Variants in SH3TC2 observed in about 807,000 individuals in gnomAD.
SH3TC2 encodes the protein SH3 domain and tetratricopeptide repeat-containing protein 2.
SH3TC2 carries 87 observed loss-of-function variants against 124.5 expected under a neutral mutation model. The observed-to-expected ratio is 0.70, with a 90% confidence interval of 0.59 to 0.84. The LOEUF is 0.84. Among genes scored for constraint, SH3TC2 ranks in the 40% least tolerant of loss-of-function variants. SH3TC2 has a pLI of 0.00. For missense variants in SH3TC2, 1,536 were observed against 1,566.4 expected, an observed-to-expected ratio of 0.98 and a Z score of 0.33; for synonymous variants, 634 against 628.5, an observed-to-expected ratio of 1.01 and a Z score of -0.13.
Position 148,995,921 on chromosome 5 carries a change from A to T in SH3TC2, c.*8790T>A, listed in dbSNP as rs1393322981. On this transcript the variant is annotated 3_prime_UTR_variant, in exon 17 of 17. Transcript: ENST00000515425. The stretch of plus-strand genomic sequence containing the variant: ...ACAAATGAGCACAAGCAAAAGGGAG[A>T]TGCTAAGGACATGAGGAAAAAGAAA... Among the ~76,000 whole-genome samples, 2 of 152,092 alleles carry T rather than the reference A, an allele frequency of 1.3e-5. No homozygotes were observed. Among genetic ancestry groups the T allele is most frequent in the African/African-American group, 4.8e-5 (2 of 41,388 alleles).
chr5:148,982,911 C>T lies in SH3TC2; in HGVS notation c.*21800G>A, dbSNP rs930554735. ...CACCAGTGGACCTTGTGAAAGATAA[C>T]TTTAGGAGACTGACGCAGCAGAGGC... On this transcript the variant is annotated 3_prime_UTR_variant, in exon 17 of 17. Transcript: ENST00000515425. Among the ~76,000 whole-genome samples, 6 of 152,154 alleles carry T rather than the reference C, an allele frequency of 3.9e-5. No individual in the cohort carries two copies. Among genetic ancestry groups the T allele is most frequent in the Non-Finnish European group, 8.8e-5 (6 of 68,026 alleles).
chr5:148,984,419 A>G lies in SH3TC2; in HGVS notation c.*20292T>C, dbSNP rs557300348. ...TTTAAAAGGAACAAATGCCATATAA[A>G]TACCAACTCCACTTGACTTATAGTG... is the stretch of plus-strand genomic sequence containing the variant. On this transcript the variant is annotated 3_prime_UTR_variant, in exon 17 of 17. Transcript: ENST00000515425. Among the ~76,000 whole-genome samples the G allele has an allele frequency of 2.0e-5, 3 of 152,200 alleles. No homozygotes were observed. The highest frequency in any genetic ancestry group is 4.4e-5 in the Non-Finnish European group (3 of 68,038).
At chr5:149,040,277 A>G (rs1460472301) in intron 7 of SH3TC2, among the ~76,000 whole-genome samples, 1 of 152,182 alleles carries the variant, frequency 6.6e-6, no homozygotes, top group African/African-American at 2.4e-5. Context: ...GGCTCACGAA[A>G]CATTTAATTT....
At position 149,005,171 on chromosome 5, in the gene SH3TC2, C is replaced by G. The variant is rs1124473; in HGVS notation, c.3676-269G>C. The stretch of plus-strand genomic sequence containing the variant: ...TCAGCCAATCATGAAACATCATTGC[C>G]CTGGGCACAGTGCTTCAGGGATGTG... On this transcript the variant is annotated intron_variant, in intron 16 of 16. Transcript: ENST00000515425. Among the ~76,000 whole-genome samples the G allele has an allele frequency of 0.077, 11,715 of 152,172 alleles. 892 individuals carry two copies. The highest frequency in any genetic ancestry group is 0.18 in the Admixed American group (2,785 of 15,272).
rs1048545299 is a variant in SH3TC2 at position 149,055,736 on chromosome 5, A to G, written c.53-3496T>C. Among the ~76,000 whole-genome samples, 3 of 152,180 alleles carry G rather than the reference A, an allele frequency of 2.0e-5. No homozygotes were observed. In the South Asian group the frequency reaches 6.2e-4, roughly 32 times the overall value. On this transcript the variant is annotated intron_variant, in intron 1 of 16. Transcript: ENST00000515425. ...AAACTTGGCTACAATTCAAATGTCA[A>G]TTTACACTAGAATGGACAAGTAAAT...
Position 149,001,983 on chromosome 5 carries a change from T to C in SH3TC2, c.*2728A>G, listed in dbSNP as rs1753605401. On this transcript the variant is annotated 3_prime_UTR_variant, in exon 17 of 17. Transcript: ENST00000515425. ...AGTTTCAACTGATTATAAAGCTCAATGGAAGCCAAGGACAGATGTGGCTGC... is the reference window on the plus strand; with the variant it reads ...AGTTTCAACTGATTATAAAGCTCAACGGAAGCCAAGGACAGATGTGGCTGC... 2 of 152,306 alleles carry C rather than the reference T, an allele frequency of 1.3e-5. No individual in the cohort carries two copies. Among genetic ancestry groups the C allele is most frequent in the Non-Finnish European group, 2.9e-5 (2 of 68,058 alleles). 9.4% of individuals were successfully genotyped at this position (152,306 alleles called of 1,614,324 possible). A position where few individuals can be genotyped will look rare whatever the true frequency, so the allele number is the denominator to read the frequency against.
At chr5:149,037,906 C>T (rs1754308698) in intron 8 of SH3TC2, among the ~76,000 whole-genome samples, 2 of 152,120 alleles carry the variant, frequency 1.3e-5, no homozygotes, top group Non-Finnish European at 2.9e-5. Flanking sequence ...GACCCACCTC[C>T]CAGCCCTATG....
chr5:149,010,228 G>T lies in SH3TC2; in HGVS notation c.3327+42C>A, dbSNP rs1335484026. 6 of 1,613,824 alleles carry T rather than the reference G, an allele frequency of 3.7e-6. No homozygotes were observed. In the South Asian group the frequency reaches 6.6e-5, roughly 18 times the overall value. On this transcript the variant is annotated intron_variant, in intron 14 of 16. Coordinates refer to ENST00000515425, the MANE Select transcript of SH3TC2 (RefSeq NM_024577.4). ...GTCCAGCCTGACCCTTCCCATGCCC[G>T]TGCCAGGACCTGTCTCAGCAAACTG... is the stretch of plus-strand genomic sequence containing the variant.
At chr5:149,015,696 G>A (rs1196769609) in intron 12 of SH3TC2, among the ~76,000 whole-genome samples, 1 of 152,114 alleles carries the variant, frequency 6.6e-6, no homozygotes, top group African/African-American at 2.4e-5. Context: ...CAATACACCT[G>A]CATTTCCAGA....
At chr5:149,021,001 A>G (rs1753959498) in intron 12 of SH3TC2, among the ~76,000 whole-genome samples, 1 of 152,198 alleles carries the variant, frequency 6.6e-6, no homozygotes. Flanking sequence ...TCAAGTTTAC[A>G]TTGAACATCC....
At chr5:149,042,638 C>G in intron 5 of SH3TC2, 56 bp downstream of exon 5, 1 of 1,607,724 alleles carries the variant, frequency 6.2e-7, no homozygotes, top group Non-Finnish European at 8.5e-7. Context: ...TATTTCATGG[C>G]CTCTGGTAGC....
chr5:149,015,375 G>A (rs1169898596), intron 12 of SH3TC2, among the ~76,000 whole-genome samples: 1 of 152,182 alleles, frequency 6.6e-6, no homozygotes, highest in East Asian at 1.9e-4. Context: ...GCCAAGCAGT[G>A]TCACCTACCA....
At chr5:149,016,584 C>T (rs999500318) in intron 12 of SH3TC2, among the ~76,000 whole-genome samples, 25 of 152,216 alleles carry the variant, frequency 1.6e-4, no homozygotes, top group African/African-American at 4.6e-4. Context: ...TATTTTAAAA[C>T]GTAGCACTTT....
rs2127391320 is a variant in SH3TC2 at position 149,004,619 on chromosome 5, G to T, written c.*92C>A. On this transcript the variant is annotated 3_prime_UTR_variant, in exon 17 of 17. Transcript: ENST00000515425. ...GAAATGAGGGGGCTAGGCCAGGTAA[G>T]GACTCGGACCCTCCCAATGAGTATT... The T allele has an allele frequency of 7.2e-7, 1 of 1,386,670 alleles. No homozygotes were observed. The highest frequency in any genetic ancestry group is 9.9e-7 in the Non-Finnish European group (1 of 1,014,004). 85.9% of individuals were successfully genotyped at this position (1,386,670 alleles called of 1,614,324 possible). A position where few individuals can be genotyped will look rare whatever the true frequency, so the allele number is the denominator to read the frequency against.
intron 1 of SH3TC2, among the ~76,000 whole-genome samples, chr5:149,055,718 G>T (rs1754634264): frequency 6.6e-6 from 1 of 152,014 alleles, no homozygotes; most frequent in South Asian, 2.1e-4. Context: ...CCCAAACTTG[G>T]CTACAATTCA....
At chr5:149,008,498 C>A in intron 15 of SH3TC2, 2 of 356,670 alleles carry the variant, frequency 5.6e-6, no homozygotes, top group East Asian at 1.3e-4. Context: ...ATATCATTTA[C>A]TTTACACTTG....
At chr5:149,044,047 C>T (rs114065671) in intron 4 of SH3TC2, 2,296 of 163,572 alleles carry the variant, frequency 0.014, 54 homozygotes, top group African/African-American at 0.052. Flanking sequence ...TTCTAGAAAA[C>T]GCTGCAGCCT....
In SH3TC2 at chr5:149,006,967, G is replaced by T; in HGVS notation, c.3589C>A (p.Pro1197Thr). Reference protein sequence around the residue: ...DCYLKTLSLCPPWLQSPKEAL... With the variant: ...DCYLKTLSLCTPWLQSPKEAL... ...TCCTTGGGACTCTGCAGCCATGGTG[G>T]ACAGAGGGACAGGGTCTTCAGGTAG... Residue 1197 changes from proline to threonine, a missense_variant, in exon 16 of 17, where the codon CCA becomes ACA. Around this residue, in one of 3 missense-constraint regions of SH3TC2, gnomAD observed 426 missense variants for 443.5 expected, o/e 0.96. Transcript: ENST00000515425. 6.2e-7 allele frequency: 1 copy of T among 1,614,098 alleles called. No homozygotes were observed. Among genetic ancestry groups the T allele is most frequent in the Admixed American group, 1.7e-5 (1 of 60,028 alleles).
rs1466166298 is a variant in SH3TC2, at chr5:148,992,519, G to T, written c.*12192C>A. Among the ~76,000 whole-genome samples the T allele has an allele frequency of 1.3e-5, 2 of 151,558 alleles. No individual in the cohort carries two copies. The highest frequency in any genetic ancestry group is 2.9e-5 in the Non-Finnish European group (2 of 67,932). On this transcript the variant is annotated 3_prime_UTR_variant, in exon 17 of 17. Transcript: ENST00000515425. ...TGAGGTTTTTAACTCATCATCCTTG[G>T]GCGTGCATTAAAGGGTCCATGAGGC...
Sources: allele counts gnomAD v4.1 joint callset (sites outside exome capture counted in the v4.1 genomes callset), GRCh38; gene constraint gnomAD v4.1.1; regional missense constraint gnomAD v4.1.1; transcripts MANE v1.5; gene names NCBI Gene and HGNC (gene_info 2026-07-23, HGNC 2026-07-21).